PIEZO2: variants seen among roughly 807,000 people sequenced by gnomAD.
PIEZO2 encodes piezo-type mechanosensitive ion channel component 2.
Under a neutral mutation model 337.3 loss-of-function variants are expected in PIEZO2, and 172 were observed. The ratio of observed to expected loss-of-function variants is 0.51; its 90% CI spans 0.45 to 0.58. PIEZO2 has a LOEUF of 0.58. PIEZO2 is among the 20% of genes least tolerant of loss of function. The pLI is 0.00. For synonymous variants in PIEZO2, 1,251 were observed against 1,228.5 expected, an observed-to-expected ratio of 1.02 and a Z score of -0.38; for missense variants, 3,028 against 3,391.3, an observed-to-expected ratio of 0.89 and a Z score of 2.66.
chr18:10,745,631 T>A (rs774033402), intron 30 of PIEZO2, among the ~76,000 whole-genome samples: 1 of 152,200 alleles, frequency 6.6e-6, no homozygotes, highest in Non-Finnish European at 1.5e-5. Context: ...CTAGTTTTCC[T>A]TTTTTCTTTG....
intron 2 of PIEZO2, among the ~76,000 whole-genome samples, chr18:10,994,479 G>A (rs1283044470): frequency 3.4e-5 from 5 of 149,024 alleles, no homozygotes; most frequent in East Asian, 4.0e-4. Flanking sequence ...GTGTGATCTC[G>A]GCTCACTGCA....
intron 1 of PIEZO2, among the ~76,000 whole-genome samples, chr18:11,082,767 T>A (rs996399440): frequency 6.6e-6 from 1 of 152,214 alleles, no homozygotes; most frequent in Non-Finnish European, 1.5e-5. Flanking sequence ...TAATTTTTGC[T>A]GCAGATTGCC....
rs2043113250 is a variant in PIEZO2, at chr18:10,903,944, C to T, written c.329+7242G>A. Among the ~76,000 whole-genome samples, 1 of 152,212 alleles carries T rather than the reference C, an allele frequency of 6.6e-6. No homozygotes were observed. The highest frequency in any genetic ancestry group is 6.5e-5 in the Admixed American group (1 of 15,276). On this transcript the variant is annotated intron_variant, in intron 4 of 55. Coordinates refer to ENST00000674853, the MANE Select transcript of PIEZO2 (RefSeq NM_001378183.1). This position sits in a 1 kb window ranked among gnomAD's most constrained non-coding sequence, Gnocchi z 4.1. ...ACACATTGACCTACTCCTTCTTCCACTTCTGTAATATAGATATCATTAGAA... is the reference window on the plus strand; with the variant it reads ...ACACATTGACCTACTCCTTCTTCCATTTCTGTAATATAGATATCATTAGAA...
At chr18:10,763,173 A>C in intron 21 of PIEZO2, 75 bp from the exon 22 acceptor site, 1 of 1,438,300 alleles carries the variant, frequency 7.0e-7, no homozygotes, top group South Asian at 1.3e-5. Context: ...ACAAAACAGG[A>C]TGACTTGATT....
At position 11,097,474 on chromosome 18, in the gene PIEZO2, T is replaced by A. The variant is rs988235054; in HGVS notation, c.65-31252A>T. 6.6e-6 allele frequency among the ~76,000 whole-genome samples: 1 copy of A among 152,204 alleles called. No homozygotes were observed. The highest frequency in any genetic ancestry group is 1.5e-5 in the Non-Finnish European group (1 of 68,044). On this transcript the variant is annotated intron_variant, in intron 1 of 55. Coordinates refer to ENST00000674853, the MANE Select transcript of PIEZO2 (RefSeq NM_001378183.1). This position sits in a 1 kb window ranked among gnomAD's most constrained non-coding sequence, Gnocchi z 5.0. ...ATGTAGAAGGATTGAGTCCAGAGTT[T>A]ACTACAGAGAAAGCCCTGAACTGGG... is the stretch of plus-strand genomic sequence containing the variant.
chr18:10,801,669 A>G (rs995305896), intron 9 of PIEZO2, among the ~76,000 whole-genome samples: 2 of 152,226 alleles, frequency 1.3e-5, no homozygotes, highest in African/African-American at 2.4e-5. Flanking sequence ...AAGCAAGTCT[A>G]TAAATGTTAC....
chr18:10,791,100 C>T, intron 14 of PIEZO2, 101 bp downstream of exon 14: 5 of 1,244,162 alleles, frequency 4.0e-6, no homozygotes, highest in Non-Finnish European at 5.3e-6. Flanking sequence ...GTTTACATTC[C>T]AGTTTCATTT....
At chr18:11,098,625 G>A (rs934069776) in intron 1 of PIEZO2, among the ~76,000 whole-genome samples, 5 of 150,712 alleles carry the variant, frequency 3.3e-5, no homozygotes, top group Non-Finnish European at 1.5e-5. Flanking sequence ...AGGTGTTTAG[G>A]TCATGAGGGC....
At chr18:10,715,946 T>A in intron 37 of PIEZO2, 130 bp from the exon 38 acceptor site, 2 of 711,486 alleles carry the variant, frequency 2.8e-6, no homozygotes, top group Non-Finnish European at 4.5e-6. Context: ...GGCATGTGAC[T>A]CAGATACTCA....
chr18:10,702,223 A>T, intron 42 of PIEZO2, 52 bp from the exon 43 acceptor site: 9 of 1,467,520 alleles, frequency 6.1e-6, no homozygotes, highest in African/African-American at 1.4e-5. Context: ...AGGAATAGAT[A>T]TACCTGTATA....
intron 47 of PIEZO2, among the ~76,000 whole-genome samples, chr18:10,692,651 C>G (rs927085963): frequency 9.8e-5 from 15 of 152,318 alleles, no homozygotes; most frequent in African/African-American, 3.6e-4. Context: ...GGCCTTTGCA[C>G]CTTCCCTACA....
chr18:10,947,535 T>G (rs1022250959), intron 3 of PIEZO2, among the ~76,000 whole-genome samples: 4 of 152,044 alleles, frequency 2.6e-5, no homozygotes, highest in Admixed American at 6.6e-5. Context: ...AGAAGAAAAC[T>G]AAAATGCTTT....
chr18:11,050,444 T>C (rs1473975607), intron 2 of PIEZO2, among the ~76,000 whole-genome samples: 1 of 152,088 alleles, frequency 6.6e-6, no homozygotes, highest in Non-Finnish European at 1.5e-5. Flanking sequence ...ATCGTTTTTC[T>C]TTTCTGAGGG....
chr18:11,034,432 A>G (rs951810596), intron 2 of PIEZO2, among the ~76,000 whole-genome samples: 1 of 151,852 alleles, frequency 6.6e-6, no homozygotes, highest in Admixed American at 6.6e-5. Context: ...AGCTGGGACT[A>G]CAGGCGCCCG....
chr18:11,121,558 C>T lies in PIEZO2; in HGVS notation c.64+26967G>A, dbSNP rs148176043. Among the ~76,000 whole-genome samples the T allele has an allele frequency of 4.7e-3, 719 of 152,184 alleles. 6 individuals are homozygous for T. Among genetic ancestry groups the T allele is most frequent in the African/African-American group, 0.016 (668 of 41,526 alleles). On this transcript the variant is annotated intron_variant, in intron 1 of 55. Coordinates refer to ENST00000674853, the MANE Select transcript of PIEZO2 (RefSeq NM_001378183.1). ...TCCAGCCTGGGCAACAGAGCAAGAC[C>T]CTGTTTTTAAACAATTTTAAAGCTG...
At chr18:11,093,891 A>G (rs928599369) in intron 1 of PIEZO2, among the ~76,000 whole-genome samples, 2 of 152,190 alleles carry the variant, frequency 1.3e-5, no homozygotes, top group Non-Finnish European at 2.9e-5. Context: ...GCATTGAATA[A>G]GTGAGTGAAC....
At chr18:10,737,969 A>T (rs1349427774) in intron 33 of PIEZO2, 1 of 152,216 alleles carries the variant, frequency 6.6e-6, no homozygotes, top group Admixed American at 6.5e-5. Flanking sequence ...TTTGCCCACG[A>T]TTTCAGAAAA....
chr18:10,860,124 C>T (rs1398236845), intron 5 of PIEZO2, among the ~76,000 whole-genome samples: 2 of 152,118 alleles, frequency 1.3e-5, no homozygotes, highest in African/African-American at 4.8e-5. Context: ...ATCCAGTAGG[C>T]AGCTATTATA....
chr18:11,141,413 G>T (rs2040641834), intron 1 of PIEZO2, among the ~76,000 whole-genome samples: 1 of 152,174 alleles, frequency 6.6e-6, no homozygotes, highest in South Asian at 2.1e-4. Flanking sequence ...GGCAGGGGAA[G>T]GCACATCTAG....
Sources: allele counts gnomAD v4.1 joint callset (sites outside exome capture counted in the v4.1 genomes callset), GRCh38; gene constraint gnomAD v4.1.1; non-coding constraint Gnocchi (gnomAD v3.1); transcripts MANE v1.5; gene names NCBI Gene and HGNC (gene_info 2026-07-23, HGNC 2026-07-21).